Variants in WDR36 observed in about 807,000 individuals in gnomAD.
WDR36 encodes the protein WD repeat domain 36, also known as WD repeat-containing protein 36.
Under a neutral mutation model 112.7 loss-of-function variants are expected in WDR36, and 63 were observed. The ratio of observed to expected loss-of-function variants is 0.56; its 90% CI spans 0.46 to 0.69. The LOEUF is 0.69. WDR36 is among the 30% of genes least tolerant of loss of function. The pLI, the probability that WDR36 is intolerant of heterozygous loss-of-function variation, is 0.00. For synonymous variants in WDR36, 410 were observed against 362.2 expected (o/e 1.13, Z -1.50); for missense variants, 1,226 against 1,070.3 (o/e 1.15, Z -2.03).
chr5:111,100,586 TAGA>T lies in WDR36; in HGVS notation c.412_414del (p.Glu138del), dbSNP rs1417199376. ...AAAATATTTATAACTTTCACTTTTG[TAGA>T]AGAATACCTGCAGTTGACTTTTGAT... On this transcript the variant is annotated splice_acceptor_variant and coding_sequence_variant, in exon 5 of 23. Coordinates refer to ENST00000513710, the MANE Select transcript of WDR36 (RefSeq NM_139281.3). LOFTEE classifies it high-confidence loss of function. 2 of 1,539,044 alleles carry T rather than the reference TAGA, an allele frequency of 1.3e-6. No individual in the cohort carries two copies. The highest frequency in any genetic ancestry group is 1.2e-5 in the South Asian group (1 of 82,370).
At chr5:111,110,609 C>T (rs560893825) in intron 13 of WDR36, among the ~76,000 whole-genome samples, 179 bp from the exon 14 acceptor site, 3 of 151,350 alleles carry the variant, frequency 2.0e-5, no homozygotes, top group South Asian at 2.1e-4. Flanking sequence ...TTTTTTTACT[C>T]GAACAGTATT....
chr5:111,119,018 T>G lies in WDR36; in HGVS notation c.1802T>G (p.Ile601Arg), dbSNP rs1343228965. Residue 601 changes from isoleucine to arginine, a missense_variant, in exon 17 of 23, where the codon ATA (isoleucine) becomes AGA (arginine). By Grantham distance (97) the Ile-to-Arg change is moderately conservative. Coordinates refer to ENST00000513710, the MANE Select transcript of WDR36 (RefSeq NM_139281.3). ...RTWDLPSGCL[I>R]DCFLLDSAPL... ...CATGTTAATTATTTCTGTAGCCTTA[T>G]AGACTGCTTTTTGTTGGACTCGGCT... is the stretch of plus-strand genomic sequence containing the variant. 6.2e-7 allele frequency: 1 copy of G among 1,612,410 alleles called. No individual in the cohort carries two copies. The highest frequency in any genetic ancestry group is 8.5e-7 in the Non-Finnish European group (1 of 1,178,668).
chr5:111,100,817 A>G (rs777259881), intron 5 of WDR36, 96 bp downstream of exon 5: 12 of 1,292,814 alleles, frequency 9.3e-6, no homozygotes, highest in South Asian at 1.5e-5. Flanking sequence ...CTGCCCTTGT[A>G]TATTTATTTG....
chr5:111,100,121 C>T (rs1460766892), intron 4 of WDR36, among the ~76,000 whole-genome samples: 6 of 151,564 alleles, frequency 4.0e-5, no homozygotes, highest in Admixed American at 3.3e-4. Flanking sequence ...ACTCTTATTT[C>T]ACTGAGGTGT....
chr5:111,124,206 GAT>G lies in WDR36; in HGVS notation c.2350+20_2350+21del, dbSNP rs760763176. On this transcript the variant is annotated intron_variant, in intron 21 of 22. Coordinates refer to ENST00000513710, the MANE Select transcript of WDR36 (RefSeq NM_139281.3). ...ATAATAAGTGTAAGTTGAATTATAA[GAT>G]ATTTTAACTAATATATTTAGCTTAT... is the stretch of plus-strand genomic sequence containing the variant. 1.9e-6 allele frequency: 3 copies of G among 1,584,734 alleles called. No individual in the cohort carries two copies. The highest frequency in any genetic ancestry group is 2.2e-5 in the South Asian group (2 of 89,552).
At chr5:111,109,729 A>G (rs1424816191) in intron 12 of WDR36, among the ~76,000 whole-genome samples, 3 of 151,448 alleles carry the variant, frequency 2.0e-5, no homozygotes, top group Admixed American at 6.6e-5. Flanking sequence ...CCTTCCTAAT[A>G]TGTCATAATT....
At chr5:111,105,933 G>T in intron 10 of WDR36, 124 bp from the exon 11 acceptor site, 1 of 726,770 alleles carries the variant, frequency 1.4e-6, no homozygotes, top group East Asian at 2.7e-5. Context: ...TCTTTGTTTT[G>T]TTTCTGACTT....
intron 16 of WDR36, among the ~76,000 whole-genome samples, chr5:111,116,740 A>G (rs1463951463): frequency 6.6e-6 from 1 of 152,166 alleles, no homozygotes; most frequent in Non-Finnish European, 1.5e-5. Context: ...CACCTTCCTC[A>G]ATTTGGTGGT....
intron 3 of WDR36, 131 bp from the exon 4 acceptor site, chr5:111,098,591 G>C (rs1022509647): frequency 1.4e-6 from 1 of 699,566 alleles, no homozygotes; most frequent in East Asian, 2.7e-5. Flanking sequence ...TCCTAACCTT[G>C]AATAATCAAA....
At chr5:111,125,263 T>C (rs1753654614) in intron 21 of WDR36, among the ~76,000 whole-genome samples, 1 of 152,196 alleles carries the variant, frequency 6.6e-6, no homozygotes, top group Non-Finnish European at 1.5e-5. Context: ...TATGTATCGT[T>C]ATAGGCTTCT....
Position 111,104,216 on chromosome 5 carries a change from A to C in WDR36, c.770A>C (p.His257Pro). The change falls in exon 8 of 23, where the codon CAT becomes CCT. Residue 257 changes from histidine to proline, a missense_variant. By Grantham distance (77) the His-to-Pro change is moderately conservative. Transcript: ENST00000513710. Reference sequence around the variant, plus strand: ...ATGGCAGCTGGAAGCCCATGTGGCCATATTGGACTCTGGGATCTAGAAGAC... The same window carrying C: ...ATGGCAGCTGGAAGCCCATGTGGCCCTATTGGACTCTGGGATCTAGAAGAC... The part of the protein sequence containing the change: ...PVMAAGSPCG[H>P]IGLWDLEDKK... 1.2e-6 allele frequency: 2 copies of C among 1,611,724 alleles called. No individual in the cohort carries two copies. The highest frequency in any genetic ancestry group is 1.7e-6 in the Non-Finnish European group (2 of 1,178,430).
At chr5:111,103,250 G>C (rs1465180532) in intron 6 of WDR36, among the ~76,000 whole-genome samples, 1 of 151,752 alleles carries the variant, frequency 6.6e-6, no homozygotes, top group Non-Finnish European at 1.5e-5. Flanking sequence ...TGTAAGACTT[G>C]TATTATAGAC....
At position 111,092,357 on chromosome 5, in the gene WDR36, G is replaced by T; in HGVS notation, c.-100G>T. 6.2e-7 allele frequency: 1 copy of T among 1,614,260 alleles called. No individual in the cohort carries two copies. The highest frequency in any genetic ancestry group is 8.5e-7 in the Non-Finnish European group (1 of 1,180,050). ...GGGCGCCGGAAGCGGTGTTGTGTCT[G>T]CAGCTCTGGCAGAGGACTGTTCCAC... On this transcript the variant is annotated 5_prime_UTR_variant, in exon 1 of 23. Coordinates refer to ENST00000513710, the MANE Select transcript of WDR36 (RefSeq NM_139281.3).
chr5:111,121,168 C>G (rs1753559269), intron 19 of WDR36, 27 bp downstream of exon 19: 1 of 1,612,240 alleles, frequency 6.2e-7, no homozygotes, highest in Non-Finnish European at 8.5e-7. Context: ...TTTATAGACC[C>G]TAAGCATGCA....
chr5:111,124,586 G>T (rs920277745), intron 21 of WDR36, among the ~76,000 whole-genome samples: 2 of 152,034 alleles, frequency 1.3e-5, no homozygotes, highest in Non-Finnish European at 2.9e-5. Flanking sequence ...GACTGCTTAG[G>T]TGATTTCATA....
chr5:111,129,433 GA>G lies in WDR36; in HGVS notation c.*2556del, dbSNP rs1473335183. On this transcript the variant is annotated 3_prime_UTR_variant, in exon 23 of 23. Coordinates refer to ENST00000513710, the MANE Select transcript of WDR36 (RefSeq NM_139281.3). ...TGGATTTTTGTAATTTAATTACTCT[GA>G]AAAAATTATTTTGGTTTTAAATCAG... The G allele has an allele frequency of 5.2e-6, 1 of 193,200 alleles. No individual in the cohort carries two copies. The highest frequency in any genetic ancestry group is 1.1e-5 in the Non-Finnish European group (1 of 92,696). 12.0% of individuals were successfully genotyped at this position (193,200 alleles called of 1,614,324 possible). A position where few individuals can be genotyped will look rare whatever the true frequency, so the allele number is the denominator to read the frequency against.
intron 1 of WDR36, among the ~76,000 whole-genome samples, chr5:111,094,597 A>G (rs901232153): frequency 6.6e-6 from 1 of 152,208 alleles, no homozygotes; most frequent in African/African-American, 2.4e-5. Context: ...TTATTTATCT[A>G]TTACGTATGG....
At chr5:111,119,469 A>G (rs1487899123) in intron 17 of WDR36, among the ~76,000 whole-genome samples, 1 of 152,160 alleles carries the variant, frequency 6.6e-6, no homozygotes, top group African/African-American at 2.4e-5. Context: ...ACCTTGGCCA[A>G]TCCCTTCTGA....
At chr5:111,107,735 A>G (rs1753248223) in intron 12 of WDR36, among the ~76,000 whole-genome samples, 3 of 150,590 alleles carry the variant, frequency 2.0e-5, no homozygotes, top group Admixed American at 2.0e-4. Flanking sequence ...TATTTGTTCA[A>G]AAGACTATTC....
Sources: allele counts gnomAD v4.1 joint callset (sites outside exome capture counted in the v4.1 genomes callset), GRCh38; gene constraint gnomAD v4.1.1; transcripts MANE v1.5; gene names NCBI Gene and HGNC (gene_info 2026-07-23, HGNC 2026-07-21).